Variants in PRKN observed in about 807,000 individuals in gnomAD.
PRKN encodes E3 ubiquitin-protein ligase parkin.
PRKN carries 56 observed loss-of-function variants against 59.5 expected under a neutral mutation model. The observed-to-expected ratio is 0.94, with a 90% CI of 0.76 to 1.18. The LOEUF is 1.18. Ranked by LOEUF, PRKN falls within the 50% of genes most tolerant of loss-of-function variation. The pLI, the probability that PRKN is intolerant of heterozygous loss-of-function variation, is 0.00. For synonymous variants in PRKN, 250 were observed against 222.1 expected, an observed-to-expected ratio of 1.13 and a Z score of -1.12; for missense variants, 657 against 596.4, an observed-to-expected ratio of 1.10 and a Z score of -1.06.
At chr6:161,573,331 T>C (rs1780966622) in intron 7 of PRKN, among the ~76,000 whole-genome samples, 1 of 152,216 alleles carries the variant, frequency 6.6e-6, no homozygotes, top group Non-Finnish European at 1.5e-5. Context: ...TTATATTTAA[T>C]TGATATGTTT....
chr6:162,529,926 T>G (rs1778441211), intron 1 of PRKN, among the ~76,000 whole-genome samples: 2 of 151,908 alleles, frequency 1.3e-5, no homozygotes, highest in African/African-American at 4.8e-5. Context: ...GGTCGGGAGT[T>G]CAAGACCATC....
chr6:162,538,486 C>T (rs1317712550), intron 1 of PRKN, among the ~76,000 whole-genome samples: 1 of 152,110 alleles, frequency 6.6e-6, no homozygotes, highest in East Asian at 1.9e-4. Context: ...ATTCATCATA[C>T]TAAAATTACA....
At position 161,356,840 on chromosome 6, in the gene PRKN, C is replaced by T. The variant is rs1562391185; in HGVS notation, c.1285+3248G>A. Among the ~76,000 whole-genome samples the T allele has an allele frequency of 1.3e-5, 2 of 151,938 alleles. No individual in the cohort carries two copies. Among genetic ancestry groups the T allele is most frequent in the Admixed American group, 6.6e-5 (1 of 15,264 alleles). ...TAAGGAAGCAGCTGGCTATTGGAGT[C>T]GGACCGAGGGGCGAGATGAGGGTGG... On this transcript the variant is annotated intron_variant, in intron 11 of 11. Transcript: ENST00000366898. This position sits in a 1 kb window ranked among gnomAD's most constrained non-coding sequence, Gnocchi z 7.8.
intron 1 of PRKN, among the ~76,000 whole-genome samples, chr6:162,586,131 T>C (rs1287880181): frequency 6.6e-6 from 1 of 152,144 alleles, no homozygotes; most frequent in African/African-American, 2.4e-5. Flanking sequence ...GGAGCCAGGA[T>C]TCACCCCCAT....
chr6:162,284,959 G>A (rs1781113129), intron 2 of PRKN, among the ~76,000 whole-genome samples: 1 of 152,090 alleles, frequency 6.6e-6, no homozygotes, highest in African/African-American at 2.4e-5. Flanking sequence ...CAGCATTAGG[G>A]TGGGTCTTAT....
At chr6:161,375,437 CCAGT>C (rs1785655240) in intron 10 of PRKN, among the ~76,000 whole-genome samples, 1 of 152,192 alleles carries the variant, frequency 6.6e-6, no homozygotes, top group South Asian at 2.1e-4. Flanking sequence ...TCTTTCAATC[CCAGT>C]CAATCTTATC....
At chr6:161,580,162 T>C (rs535595980) in intron 7 of PRKN, among the ~76,000 whole-genome samples, 1 of 152,344 alleles carries the variant, frequency 6.6e-6, no homozygotes, top group South Asian at 2.1e-4. Context: ...TACACTATGG[T>C]TTGATTGCCC....
chr6:161,363,898 G>A lies in PRKN; in HGVS notation c.1168-3693C>T, dbSNP rs1055556451. The stretch of plus-strand genomic sequence containing the variant: ...TTTGGGGCCGGATGTGGTGGTTCAC[G>A]CCTGTAATCCAAGCACTTTGGGAGG... On this transcript the variant is annotated intron_variant, in intron 10 of 11. Transcript: ENST00000366898. This position sits in a 1 kb window ranked among gnomAD's most constrained non-coding sequence, Gnocchi z 4.1. Among the ~76,000 whole-genome samples the A allele has an allele frequency of 3.3e-5, 5 of 152,284 alleles. No individual in the cohort carries two copies. The highest frequency in any genetic ancestry group is 3.4e-3 in the Middle Eastern group (1 of 294).
At chr6:161,707,410 G>C in intron 7 of PRKN, among the ~76,000 whole-genome samples, 1 of 152,156 alleles carries the variant, frequency 6.6e-6, no homozygotes, top group Non-Finnish European at 1.5e-5. Context: ...GGTCCCTTGG[G>C]AGTTAATGAA....
At chr6:162,530,922 C>T (rs1778484881) in intron 1 of PRKN, among the ~76,000 whole-genome samples, 1 of 151,690 alleles carries the variant, frequency 6.6e-6, no homozygotes, top group African/African-American at 2.4e-5. Context: ...CAGGGCATGG[C>T]CGCGTGTGCC....
At chr6:162,253,853 A>T (rs935968141) in intron 3 of PRKN, among the ~76,000 whole-genome samples, 12 of 151,998 alleles carry the variant, frequency 7.9e-5, no homozygotes, top group Admixed American at 2.6e-4. Flanking sequence ...GGTATAAAAA[A>T]GTCCACACAA....
At chr6:161,785,442 T>G (rs1282105912) in intron 7 of PRKN, among the ~76,000 whole-genome samples, 1 of 152,196 alleles carries the variant, frequency 6.6e-6, no homozygotes, top group Non-Finnish European at 1.5e-5. Context: ...AAAAATTAGG[T>G]AATACTGCTC....
intron 3 of PRKN, among the ~76,000 whole-genome samples, chr6:162,246,808 G>GT (rs1305291802): frequency 2.6e-5 from 4 of 152,018 alleles, no homozygotes; most frequent in Non-Finnish European, 5.9e-5. Flanking sequence ...TAATTTTAAA[G>GT]TTTTTTGAAA....
chr6:161,997,576 A>C (rs7765446), intron 5 of PRKN, among the ~76,000 whole-genome samples: 1 of 152,072 alleles, frequency 6.6e-6, no homozygotes, highest in Non-Finnish European at 1.5e-5. Context: ...GCTGTTACTC[A>C]TATTACACTT....
intron 6 of PRKN, among the ~76,000 whole-genome samples, chr6:161,964,203 A>T (rs189481046): frequency 8.7e-4 from 132 of 152,172 alleles, no homozygotes; most frequent in Non-Finnish European, 1.5e-3. Context: ...GTGTGATCAG[A>T]TGTAATTTTT....
chr6:162,258,636 C>T (rs1239016889), intron 3 of PRKN, among the ~76,000 whole-genome samples: 1 of 152,222 alleles, frequency 6.6e-6, no homozygotes, highest in Non-Finnish European at 1.5e-5. Flanking sequence ...GTGTTAGCAT[C>T]ACCTGGGAGC....
chr6:161,959,303 C>A (rs1583406438), intron 6 of PRKN, among the ~76,000 whole-genome samples: 2 of 152,150 alleles, frequency 1.3e-5, no homozygotes, highest in Admixed American at 1.3e-4. Context: ...CACCGAGAGG[C>A]TGAGCGAGCT....
chr6:162,227,438 C>A (rs1043865683), intron 3 of PRKN, among the ~76,000 whole-genome samples: 1 of 152,040 alleles, frequency 6.6e-6, no homozygotes, highest in African/African-American at 2.4e-5. Flanking sequence ...TCCTGAAAAT[C>A]ATGGTTTTTG....
chr6:161,673,565 T>G (rs1194584422), intron 7 of PRKN, among the ~76,000 whole-genome samples: 1 of 152,214 alleles, frequency 6.6e-6, no homozygotes, highest in Admixed American at 6.5e-5. Flanking sequence ...CATTGGAGTC[T>G]GAGCAGAGTT....
Sources: gnomAD v4.1 joint callset for allele counts (sites outside exome capture counted in the v4.1 genomes callset) on GRCh38, gnomAD v4.1.1 for gene constraint, Gnocchi (gnomAD v3.1) non-coding constraint, MANE v1.5 for transcripts, NCBI Gene and HGNC (gene_info 2026-07-23, HGNC 2026-07-21) for gene names.